CCDC60: variants seen among roughly 807,000 people sequenced by gnomAD.
The protein encoded by CCDC60 is coiled-coil domain containing 60, also known as coiled-coil domain-containing protein 60.
A neutral mutation model predicts 63.5 loss-of-function variants in CCDC60; 54 were observed. The observed-to-expected ratio is 0.85, with a 90% confidence interval of 0.68 to 1.07. The LOEUF (loss-of-function observed/expected upper bound fraction) is 1.07. Ranked by LOEUF, CCDC60 falls within the 50% of genes least tolerant of loss-of-function variation. The probability of loss-of-function intolerance (pLI) is 0.00; values close to 1 mark genes in which losing one functional copy is unlikely to be tolerated. For missense variants in CCDC60, 651 were observed against 684.3 expected (o/e 0.95, Z 0.54); for synonymous variants, 206 against 238.8 (o/e 0.86, Z 1.27).
chr12:119,422,257 A>G (rs1956826370), intron 1 of CCDC60, among the ~76,000 whole-genome samples: 1 of 152,156 alleles, frequency 6.6e-6, no homozygotes, highest in Admixed American at 6.5e-5. Flanking sequence ...ATCAAAATCA[A>G]CTGTCCCCAA....
At chr12:119,415,958 G>A (rs1407739318) in intron 1 of CCDC60, among the ~76,000 whole-genome samples, 1 of 152,148 alleles carries the variant, frequency 6.6e-6, no homozygotes, top group African/African-American at 2.4e-5. Context: ...ATCAAGGATT[G>A]GAGGGTACTG....
intron 1 of CCDC60, among the ~76,000 whole-genome samples, chr12:119,376,350 G>A (rs976910907): frequency 4.6e-5 from 7 of 152,192 alleles, no homozygotes; most frequent in Admixed American, 6.5e-5. Flanking sequence ...AAACAGGGCC[G>A]AGGGCAGTGG....
At chr12:119,359,163 G>A (rs1171515288) in intron 1 of CCDC60, among the ~76,000 whole-genome samples, 9 of 152,122 alleles carry the variant, frequency 5.9e-5, no homozygotes, top group Non-Finnish European at 1.3e-4. Context: ...ATCATATTGT[G>A]GAAATGCTTT....
At chr12:119,361,524 A>G (rs935031499) in intron 1 of CCDC60, among the ~76,000 whole-genome samples, 2 of 152,180 alleles carry the variant, frequency 1.3e-5, no homozygotes, top group African/African-American at 2.4e-5. Flanking sequence ...AGGGAAAAAA[A>G]AATAAGCTTC....
In CCDC60 at chr12:119,428,740, A is replaced by T; in HGVS notation, c.148A>T (p.Lys50Ter). 1 of 1,604,250 alleles carries T rather than the reference A, an allele frequency of 6.2e-7. No individual in the cohort carries two copies. The highest frequency in any genetic ancestry group is 8.5e-7 in the Non-Finnish European group (1 of 1,173,832). ...TATGGACAAGGAAATAATAAACCTC[A>T]AAAAGGACCTTATACGAAGCCGGTG... ...KYMDKEIINL[K>*]KDLIRSRFLI... The change falls in exon 2 of 14, where the codon AAA becomes TAA. Residue 50 changes from lysine (K) to a stop codon, truncating the protein, a stop_gained. Transcript: ENST00000327554. LOFTEE classifies it high-confidence loss of function.
chr12:119,433,525 A>G (rs1950271597), intron 2 of CCDC60: 1 of 702,264 alleles, frequency 1.4e-6, no homozygotes, highest in African/African-American at 1.7e-5. Flanking sequence ...AGGAATCAGG[A>G]TTCCCCTTCA....
intron 11 of CCDC60, among the ~76,000 whole-genome samples, chr12:119,527,453 A>G (rs955625715): frequency 2.6e-5 from 4 of 152,086 alleles, no homozygotes; most frequent in Non-Finnish European, 4.4e-5. Flanking sequence ...GTAGGGTGGA[A>G]GGGAGTTTCA....
At chr12:119,519,418 T>A (rs1256098524) in intron 8 of CCDC60, among the ~76,000 whole-genome samples, 5 of 141,466 alleles carry the variant, frequency 3.5e-5, no homozygotes, top group Non-Finnish European at 6.1e-5. Flanking sequence ...TGTGTGTGTG[T>A]GTGTGTGTGT....
intron 2 of CCDC60, among the ~76,000 whole-genome samples, chr12:119,439,247 G>GA (rs949172689): frequency 2.0e-5 from 3 of 147,300 alleles, no homozygotes. Context: ...TTATTCTGTT[G>GA]ATCAAACTTG....
chr12:119,430,867 A>C (rs1423072614), intron 2 of CCDC60, among the ~76,000 whole-genome samples: 2 of 152,176 alleles, frequency 1.3e-5, no homozygotes, highest in Non-Finnish European at 2.9e-5. Flanking sequence ...CGGCTCCAGC[A>C]GACTAATACG....
At chr12:119,523,294 C>T (rs1189913691) in intron 10 of CCDC60, among the ~76,000 whole-genome samples, 1 of 152,206 alleles carries the variant, frequency 6.6e-6, no homozygotes, top group African/African-American at 2.4e-5. Context: ...AGGACTAACC[C>T]ATCTTACAAA....
At position 119,399,925 on chromosome 12, in the gene CCDC60, C is replaced by T. The variant is rs144685685; in HGVS notation, c.91-28758C>T. 5.9e-5 allele frequency among the ~76,000 whole-genome samples: 9 copies of T among 152,270 alleles called. No homozygotes were observed. In the East Asian group the frequency reaches 1.7e-3, roughly 29 times the overall value. On this transcript the variant is annotated intron_variant, in intron 1 of 13. Coordinates refer to ENST00000327554, the MANE Select transcript of CCDC60 (RefSeq NM_178499.5). Reference sequence around the variant, plus strand: ...GCCTAATATTACACCACTTGCCAAGCAGCTTTTTAGATTAAGTATCGTGCA... The same window carrying T: ...GCCTAATATTACACCACTTGCCAAGTAGCTTTTTAGATTAAGTATCGTGCA...
At position 119,520,297 on chromosome 12, in the gene CCDC60, A is replaced by G. The variant is rs574630645; in HGVS notation, c.1040+105A>G. On this transcript the variant is annotated intron_variant, in intron 9 of 13. Transcript: ENST00000327554. ...CCAGACCATGGAAAGTGGGACAGGA[A>G]AGAGGGAACTTTTTCCTTCTTATGA... is the stretch of plus-strand genomic sequence containing the variant. The G allele has an allele frequency of 1.5e-5, 14 of 960,522 alleles. No homozygotes were observed. The East Asian group carries it at 3.4e-4, about 24-fold the overall frequency. The allele number at this position is 960,522 out of a possible 1,614,324, so 59.5% of individuals were successfully genotyped here. A position where few individuals can be genotyped will look rare whatever the true frequency, so the allele number is the denominator to read the frequency against.
intron 2 of CCDC60, among the ~76,000 whole-genome samples, chr12:119,466,115 T>A (rs1007812266): frequency 3.9e-5 from 6 of 152,178 alleles, no homozygotes; most frequent in African/African-American, 1.4e-4. Flanking sequence ...CTCCCTTACC[T>A]CCTTCACATC....
intron 3 of CCDC60, among the ~76,000 whole-genome samples, chr12:119,476,679 G>A (rs976806819): frequency 2.0e-5 from 3 of 152,092 alleles, no homozygotes; most frequent in African/African-American, 7.2e-5. Context: ...TTCCTCACAG[G>A]GTAAACACAA....
At chr12:119,353,773 G>A (rs953299888) in intron 1 of CCDC60, among the ~76,000 whole-genome samples, 1 of 151,702 alleles carries the variant, frequency 6.6e-6, no homozygotes, top group Admixed American at 6.6e-5. Context: ...ACACCCAGAG[G>A]GTGAGAAAAA....
chr12:119,528,402 A>G (rs1016074890), intron 11 of CCDC60, among the ~76,000 whole-genome samples: 1 of 152,210 alleles, frequency 6.6e-6, no homozygotes, highest in East Asian at 1.9e-4. Flanking sequence ...AAAAGTGACT[A>G]GATTTAACTG....
At chr12:119,538,761 G>T (rs1953078923) in intron 13 of CCDC60, among the ~76,000 whole-genome samples, 1 of 152,206 alleles carries the variant, frequency 6.6e-6, no homozygotes, top group South Asian at 2.1e-4. Context: ...CTTTGGAGGA[G>T]AAGAAGCGTT....
At chr12:119,504,985 A>C in intron 6 of CCDC60, 84 bp from the exon 7 acceptor site, 3 of 977,790 alleles carry the variant, frequency 3.1e-6, no homozygotes, top group Non-Finnish European at 4.6e-6. Flanking sequence ...GTCCCTCCCC[A>C]CCTTCCTCCT....
Sources: allele counts gnomAD v4.1 joint callset (sites outside exome capture counted in the v4.1 genomes callset), GRCh38; gene constraint gnomAD v4.1.1; transcripts MANE v1.5; gene names NCBI Gene and HGNC (gene_info 2026-07-23, HGNC 2026-07-21).